The following COL22A1 variants were observed in gnomAD, a reference collection of about 807,000 sequenced individuals.
The protein encoded by COL22A1 is collagen alpha-1(XXII) chain.
Under a neutral mutation model 248.9 loss-of-function variants are expected in COL22A1, and 221 were observed. That is an observed-to-expected ratio of 0.89 (90% CI 0.80 to 0.99). COL22A1 has a LOEUF of 0.99. Among genes scored for constraint, COL22A1 ranks in the 50% least tolerant of loss-of-function variants. COL22A1 has a pLI of 0.00. For missense variants in COL22A1, 2,240 were observed against 2,179.0 expected, an observed-to-expected ratio of 1.03 and a Z score of -0.56; for synonymous variants, 891 against 793.4, an observed-to-expected ratio of 1.12 and a Z score of -2.07.
chr8:138,775,799 G>A (rs1814392763), intron 16 of COL22A1, among the ~76,000 whole-genome samples, 167 bp downstream of exon 16: 1 of 152,150 alleles, frequency 6.6e-6, no homozygotes, highest in South Asian at 2.1e-4. Context: ...GCCCTCGCCT[G>A]CCACATGCAC....
intron 40 of COL22A1, among the ~76,000 whole-genome samples, chr8:138,677,198 C>G (rs901894711): frequency 6.6e-6 from 1 of 152,200 alleles, no homozygotes; most frequent in Non-Finnish European, 1.5e-5. Flanking sequence ...GATTTAAGTT[C>G]TGGTTTCAAC....
rs146611704 is a variant in COL22A1, at chr8:138,840,753, G to A, written c.733+3331C>T. On this transcript the variant is annotated intron_variant, in intron 4 of 64. Coordinates refer to ENST00000303045, the MANE Select transcript of COL22A1 (RefSeq NM_152888.3). ...GTATTTTTTGGTAGAGATGGGGCAC[G>A]CACCACCATAGTTGGCTGATTTTTT... Among the ~76,000 whole-genome samples, 437 of 152,044 alleles carry A rather than the reference G, an allele frequency of 2.9e-3. 1 individual carries two copies. Among genetic ancestry groups the A allele is most frequent in the African/African-American group, 9.9e-3 (410 of 41,464 alleles).
rs1471905342 is a variant in COL22A1, at chr8:138,812,443, G to A, written c.1326+496C>T. 3.3e-5 allele frequency among the ~76,000 whole-genome samples: 5 copies of A among 152,294 alleles called. No individual in the cohort carries two copies. In the East Asian group the frequency reaches 9.7e-4, roughly 29 times the overall value. ...CAAGCAAGCCTTGTGACCAGGACTT[G>A]GCAAAGAGGGTTGGAAAGGGAGAGG... On this transcript the variant is annotated intron_variant, in intron 8 of 64. Transcript: ENST00000303045.
At chr8:138,785,986 G>A (rs191511089) in intron 12 of COL22A1, among the ~76,000 whole-genome samples, 2 of 152,128 alleles carry the variant, frequency 1.3e-5, no homozygotes, top group Non-Finnish European at 2.9e-5. Context: ...GAGAGGTAAT[G>A]GTCCTTAGAG....
intron 51 of COL22A1, among the ~76,000 whole-genome samples, chr8:138,625,293 G>A (rs908791015): frequency 6.6e-6 from 1 of 152,102 alleles, no homozygotes; most frequent in Non-Finnish European, 1.5e-5. Context: ...GTTGTAGAGT[G>A]TGGCAGGAGA....
intron 12 of COL22A1, among the ~76,000 whole-genome samples, chr8:138,789,605 G>T (rs191046200): frequency 6.6e-6 from 1 of 152,340 alleles, no homozygotes; most frequent in East Asian, 1.9e-4. Context: ...AAAGTAAGCT[G>T]ATTCCTATAA....
intron 59 of COL22A1, among the ~76,000 whole-genome samples, chr8:138,603,810 A>G (rs567892216): frequency 6.6e-6 from 1 of 152,336 alleles, no homozygotes; most frequent in East Asian, 1.9e-4. Flanking sequence ...CCTGAAGTTA[A>G]GAACGTGACC....
chr8:138,683,687 G>A (rs1826126159), intron 39 of COL22A1, among the ~76,000 whole-genome samples: 1 of 152,094 alleles, frequency 6.6e-6, no homozygotes, highest in Admixed American at 6.6e-5. Flanking sequence ...AAGAGCCATG[G>A]GATTCACACG....
At chr8:138,620,391 G>C (rs1306995934) in intron 52 of COL22A1, 1 of 151,246 alleles carries the variant, frequency 6.6e-6, no homozygotes, top group Non-Finnish European at 1.5e-5. Context: ...GGGAGAGAAA[G>C]GAACATCCTT....
At chr8:138,609,314 C>T (rs77886009) in intron 56 of COL22A1, among the ~76,000 whole-genome samples, 3,870 of 152,344 alleles carry the variant, frequency 0.025, 162 homozygotes, top group African/African-American at 0.087. Flanking sequence ...TTCCATCTCA[C>T]ACTGCTCTGC....
chr8:138,688,501 G>GGCGA (rs1826546945), intron 37 of COL22A1, among the ~76,000 whole-genome samples: 2 of 151,848 alleles, frequency 1.3e-5, no homozygotes, highest in African/African-American at 4.8e-5. Flanking sequence ...AGCCTCAGTG[G>GGCGA]CAGAGTGAGA....
chr8:138,755,835 C>G lies in COL22A1; in HGVS notation c.1903-6G>C, dbSNP rs200526849. Reference sequence around the variant, plus strand: ...CCCGCAGGTCCCACGTCACCCTGCACAGAAACGACAAACATTTCAGCATAG... The same window carrying G: ...CCCGCAGGTCCCACGTCACCCTGCAGAGAAACGACAAACATTTCAGCATAG... On this transcript the variant is annotated splice_polypyrimidine_tract_variant and splice_region_variant and intron_variant, in intron 18 of 64. Coordinates refer to ENST00000303045, the MANE Select transcript of COL22A1 (RefSeq NM_152888.3). 8 of 1,613,812 alleles carry G rather than the reference C, an allele frequency of 5.0e-6. No individual in the cohort carries two copies. In the East Asian group the frequency reaches 1.8e-4, roughly 36 times the overall value.
chr8:138,905,109 A>G (rs540851522), intron 1 of COL22A1, among the ~76,000 whole-genome samples: 2 of 152,364 alleles, frequency 1.3e-5, no homozygotes, highest in African/African-American at 2.4e-5. Context: ...GATTAGATAC[A>G]TGACAAACTC....
chr8:138,636,967 G>A (rs1821235775), intron 47 of COL22A1, among the ~76,000 whole-genome samples, 172 bp from the exon 48 acceptor site: 2 of 152,176 alleles, frequency 1.3e-5, no homozygotes, highest in African/African-American at 4.8e-5. Context: ...GGGCCTGGTT[G>A]AGGATGTGTG....
intron 4 of COL22A1, among the ~76,000 whole-genome samples, chr8:138,839,989 G>C (rs1184505987): frequency 1.3e-5 from 2 of 152,088 alleles, no homozygotes; most frequent in Non-Finnish European, 1.5e-5. Context: ...TGAGCAGCAG[G>C]GCCATCTAAG....
chr8:138,656,159 C>G (rs2130624430), intron 44 of COL22A1, among the ~76,000 whole-genome samples: 1 of 152,366 alleles, frequency 6.6e-6, no homozygotes, highest in Middle Eastern at 3.4e-3. Flanking sequence ...CCAGTCCTAA[C>G]CAAGTCTGAC....
At chr8:138,696,531 C>G (rs1400178075) in intron 32 of COL22A1, among the ~76,000 whole-genome samples, 3 of 152,200 alleles carry the variant, frequency 2.0e-5, no homozygotes, top group Admixed American at 2.0e-4. Context: ...TACTTTCTCT[C>G]TCTATGTCTC....
rs773114755 is a variant in COL22A1 at position 138,703,333 on chromosome 8, A to G, written c.2532T>C (p.Pro844=). The G allele has an allele frequency of 6.2e-7, 1 of 1,613,832 alleles. No homozygotes were observed. The highest frequency in any genetic ancestry group is 1.3e-5 in the African/African-American group (1 of 75,028). The part of the protein sequence containing the change: ...GDRGEKGEAG[P]AGPPGLPGTT... Reference sequence around the variant, plus strand: ...TTCCAGGTAACCCGGGAGGGCCTGCAGGACCAGCTTCACCCTAGATGGAGA... The same window carrying G: ...TTCCAGGTAACCCGGGAGGGCCTGCGGGACCAGCTTCACCCTAGATGGAGA... Residue 844 remains proline (P), a synonymous_variant, in exon 31 of 65, where the codon CCT becomes CCC. Coordinates refer to ENST00000303045, the MANE Select transcript of COL22A1 (RefSeq NM_152888.3).
chr8:138,836,061 A>G (rs1208636708), intron 4 of COL22A1, among the ~76,000 whole-genome samples: 2 of 152,188 alleles, frequency 1.3e-5, no homozygotes, highest in African/African-American at 2.4e-5. Flanking sequence ...ACTTGAGGTC[A>G]GGAGGTCAAG....
Sources: allele counts gnomAD v4.1 joint callset (sites outside exome capture counted in the v4.1 genomes callset), GRCh38; gene constraint gnomAD v4.1.1; transcripts MANE v1.5; gene names NCBI Gene and HGNC (gene_info 2026-07-23, HGNC 2026-07-21).